Variants in NFASC observed in about 807,000 individuals in gnomAD.
NFASC encodes neurofascin homolog.
In NFASC, 43 loss-of-function variants were observed where a neutral mutation model predicts 147.5. That is an observed-to-expected ratio of 0.29 (90% confidence interval 0.23 to 0.38). The LOEUF (loss-of-function observed/expected upper bound fraction) is 0.38, where lower values mean the gene tolerates loss of function less well. Among genes scored for constraint, NFASC ranks in the 10% least tolerant of loss-of-function variants. The pLI is 1.00. For missense variants in NFASC, 1,320 were observed against 1,689.0 expected (o/e 0.78, Z 3.83); for synonymous variants, 622 against 665.5 (o/e 0.93, Z 1.01).
intron 11 of NFASC, 97 bp from the exon 12 acceptor site, chr1:204,973,179 C>T: frequency 7.4e-7 from 1 of 1,353,776 alleles, no homozygotes; most frequent in South Asian, 1.3e-5. Flanking sequence ...CTCCCCACAG[C>T]ACCCCGCTTG....
In NFASC at chr1:205,022,287, TC is replaced by T. The variant is rs372495062; in HGVS notation, c.*5752del. On this transcript the variant is annotated 3_prime_UTR_variant, in exon 30 of 30. Transcript: ENST00000339876. The stretch of plus-strand genomic sequence containing the variant: ...CAGCTCTTTGCCAACCTCTTCACAC[TC>T]CCCTTGAGCTGAGCATCAGTCGCCT... 4.3e-4 allele frequency: 65 copies of T among 152,546 alleles called. 3 individuals are homozygous for T. Among genetic ancestry groups the T allele is most frequent in the African/African-American group, 1.5e-3 (64 of 41,482 alleles). The allele number at this position is 152,546 out of a possible 1,614,324, so 9.4% of individuals were successfully genotyped here.
rs372412019 is a variant in NFASC at position 204,970,670 on chromosome 1, A to G, written c.1058A>G (p.Asp353Gly). Residue 353 changes from aspartate to glycine, a missense_variant, in exon 11 of 30, where the codon GAT (aspartate) becomes GGT (glycine). Physicochemically the swap from Asp to Gly is moderately conservative, Grantham distance 94. Coordinates refer to ENST00000339876, the MANE Select transcript of NFASC (RefSeq NM_001005388.3). ...AACCTTATTCTGGCTCCTGGCGAGGATGGGAGACTGGTGTGTCGAGCCAAT... is the reference window on the plus strand; with the variant it reads ...AACCTTATTCTGGCTCCTGGCGAGGGTGGGAGACTGGTGTGTCGAGCCAAT... Reference protein sequence around the residue: ...PKNLILAPGEDGRLVCRANGN... With the variant: ...PKNLILAPGEGGRLVCRANGN... 1 of 1,614,016 alleles carries G rather than the reference A, an allele frequency of 6.2e-7. No individual in the cohort carries two copies. Among genetic ancestry groups the G allele is most frequent in the Non-Finnish European group, 8.5e-7 (1 of 1,180,038 alleles).
At chr1:204,896,429 G>T (rs2083400557) in intron 1 of NFASC, among the ~76,000 whole-genome samples, 1 of 152,194 alleles carries the variant, frequency 6.6e-6, no homozygotes, top group South Asian at 2.1e-4. Flanking sequence ...TCTGGGGACT[G>T]CCCAGTAACT....
chr1:205,005,542 A>G (rs752995741), intron 27 of NFASC, among the ~76,000 whole-genome samples: 1 of 152,226 alleles, frequency 6.6e-6, no homozygotes, highest in African/African-American at 2.4e-5. Context: ...TTGCACACAG[A>G]TATTACTGGA....
intron 8 of NFASC, among the ~76,000 whole-genome samples, chr1:204,960,923 G>T (rs537126592): frequency 6.6e-6 from 1 of 152,362 alleles, no homozygotes; most frequent in African/African-American, 2.4e-5. Context: ...TGCAATGCCA[G>T]TCCCAGAAAA....
intron 1 of NFASC, among the ~76,000 whole-genome samples, chr1:204,866,675 A>G (rs1225226672): frequency 1.3e-5 from 2 of 152,224 alleles, no homozygotes; most frequent in East Asian, 3.8e-4. Flanking sequence ...CATTCACTGC[A>G]AGCCTGTGTG....
intron 1 of NFASC, among the ~76,000 whole-genome samples, chr1:204,897,380 A>G (rs1194658088): frequency 6.6e-6 from 1 of 152,170 alleles, no homozygotes; most frequent in Non-Finnish European, 1.5e-5. Context: ...GAAACCCCGG[A>G]GCAAGGCCTT....
At chr1:204,891,099 C>T (rs990614329) in intron 1 of NFASC, among the ~76,000 whole-genome samples, 1 of 152,222 alleles carries the variant, frequency 6.6e-6, no homozygotes, top group Non-Finnish European at 1.5e-5. Context: ...GTAAAGGTCT[C>T]TTCCCTGATT....
intron 28 of NFASC, among the ~76,000 whole-genome samples, chr1:205,011,940 G>A (rs1236753363): frequency 1.3e-5 from 2 of 152,216 alleles, no homozygotes; most frequent in East Asian, 1.9e-4. Flanking sequence ...TGAGCCAGGC[G>A]CGGTGGCAGG....
chr1:204,945,092 A>T (rs2093625566), intron 3 of NFASC: 1 of 152,204 alleles, frequency 6.6e-6, no homozygotes, highest in Non-Finnish European at 1.5e-5. Flanking sequence ...TCATAAAGTA[A>T]GGGGCTTAAA....
chr1:204,969,308 T>G (rs987541727), intron 10 of NFASC, among the ~76,000 whole-genome samples: 2 of 152,218 alleles, frequency 1.3e-5, no homozygotes, highest in African/African-American at 4.8e-5. Flanking sequence ...TCGTTTTGCA[T>G]TCCCGTTTGT....
At chr1:204,966,433 G>C (rs1442459975) in intron 8 of NFASC, among the ~76,000 whole-genome samples, 1 of 152,136 alleles carries the variant, frequency 6.6e-6, no homozygotes, top group Non-Finnish European at 1.5e-5. Flanking sequence ...GCTCTTGACG[G>C]ATTCACCAAC....
At chr1:204,929,862 C>G (rs952398041) in intron 2 of NFASC, among the ~76,000 whole-genome samples, 2 of 152,110 alleles carry the variant, frequency 1.3e-5, no homozygotes, top group African/African-American at 4.8e-5. Flanking sequence ...TTTGAGTTTC[C>G]TAGGAGACTC....
chr1:204,856,418 T>A lies in NFASC; in HGVS notation c.-200+27636T>A, dbSNP rs187522687. The stretch of plus-strand genomic sequence containing the variant: ...GTGTGTGTGTGTGTGTGTGTGTGTG[T>A]GATTGTGTGAAGAAACGTCTGCCAA... On this transcript the variant is annotated intron_variant, in intron 1 of 29. Transcript: ENST00000339876. 2.7e-3 allele frequency among the ~76,000 whole-genome samples: 412 copies of A among 151,178 alleles called. 2 individuals are homozygous for A. The highest frequency in any genetic ancestry group is 9.2e-3 in the African/African-American group (378 of 41,088).
At chr1:204,910,027 A>G (rs551601467) in intron 1 of NFASC, among the ~76,000 whole-genome samples, 4 of 151,676 alleles carry the variant, frequency 2.6e-5, no homozygotes, top group African/African-American at 9.7e-5. Context: ...TGATCCTCCT[A>G]TGTTTTTCTT....
chr1:204,936,707 T>C (rs1394810101), intron 2 of NFASC, among the ~76,000 whole-genome samples: 1 of 152,186 alleles, frequency 6.6e-6, no homozygotes, highest in African/African-American at 2.4e-5. Context: ...CCCTGGCCCA[T>C]TGACATTCTG....
intron 1 of NFASC, among the ~76,000 whole-genome samples, chr1:204,851,447 C>T (rs961506221): frequency 3.9e-5 from 6 of 151,984 alleles, no homozygotes; most frequent in Non-Finnish European, 8.8e-5. Flanking sequence ...ATTCTCATGC[C>T]TCAGCCTCTG....
At chr1:204,944,472 G>GGTGGT in intron 3 of NFASC, 66 bp downstream of exon 3, 1 of 402,580 alleles carries the variant, frequency 2.5e-6, no homozygotes, top group Non-Finnish European at 5.0e-6. Context: ...GGAGGGGAGG[G>GGTGGT]AAGGTCAGAG....
intron 2 of NFASC, 65 bp downstream of exon 2, chr1:204,920,805 C>T (rs2149440462): frequency 2.8e-6 from 2 of 705,718 alleles, no homozygotes; most frequent in Non-Finnish European, 4.3e-6. Flanking sequence ...ACATTCTCGC[C>T]TCCTGCCCCT....
Sources: gnomAD v4.1 joint callset for allele counts (sites outside exome capture counted in the v4.1 genomes callset) on GRCh38, gnomAD v4.1.1 for gene constraint, MANE v1.5 for transcripts, NCBI Gene and HGNC (gene_info 2026-07-23, HGNC 2026-07-21) for gene names.